Variants in RIMS1 observed in about 807,000 individuals in gnomAD.
The protein encoded by RIMS1 is regulating synaptic membrane exocytosis protein 1.
Under a neutral mutation model 214.1 loss-of-function variants are expected in RIMS1, and 83 were observed. The ratio of observed to expected loss-of-function variants is 0.39; its 90% CI spans 0.32 to 0.47. The LOEUF is 0.47. Among genes scored for constraint, RIMS1 ranks in the 20% least tolerant of loss-of-function variants. The probability of loss-of-function intolerance (pLI) is 0.99; values close to 1 mark genes in which losing one functional copy is unlikely to be tolerated. For missense variants in RIMS1, 2,050 were observed against 2,161.8 expected (o/e 0.95, Z 1.03); for synonymous variants, 793 against 786.8 (o/e 1.01, Z -0.13).
chr6:71,898,237 C>T (rs187928154), intron 1 of RIMS1, among the ~76,000 whole-genome samples: 28 of 152,186 alleles, frequency 1.8e-4, no homozygotes, highest in African/African-American at 6.5e-4. Flanking sequence ...TCACTAACTT[C>T]CATGACAGTT....
intron 29 of RIMS1, among the ~76,000 whole-genome samples, chr6:72,358,334 T>C (rs1483224278): frequency 6.6e-6 from 1 of 152,156 alleles, no homozygotes; most frequent in African/African-American, 2.4e-5. Flanking sequence ...TTTCAATGAG[T>C]ATTTTTCTCT....
At chr6:71,917,153 A>C (rs1778665138) in intron 1 of RIMS1, among the ~76,000 whole-genome samples, 1 of 152,210 alleles carries the variant, frequency 6.6e-6, no homozygotes, top group Non-Finnish European at 1.5e-5. Context: ...TTTTAAGATT[A>C]AATGAGTTAA....
intron 4 of RIMS1, among the ~76,000 whole-genome samples, chr6:72,131,351 T>C (rs1339781694): frequency 6.6e-6 from 1 of 152,172 alleles, no homozygotes; most frequent in East Asian, 1.9e-4. Flanking sequence ...GCCCCGATAG[T>C]CACGTAGGTT....
At chr6:72,225,925 C>T (rs2060044207) in intron 6 of RIMS1, among the ~76,000 whole-genome samples, 1 of 152,070 alleles carries the variant, frequency 6.6e-6, no homozygotes, top group South Asian at 2.1e-4. Context: ...GTTATTAGGC[C>T]TCAGGTCATA....
At chr6:72,384,455 T>C (rs533273453) in intron 29 of RIMS1, among the ~76,000 whole-genome samples, 1 of 152,336 alleles carries the variant, frequency 6.6e-6, no homozygotes, top group Admixed American at 6.5e-5. Context: ...TCTATATTTT[T>C]TTCTTACTAA....
intron 1 of RIMS1, among the ~76,000 whole-genome samples, chr6:71,949,769 T>G (rs1298821010): frequency 6.6e-6 from 1 of 152,194 alleles, no homozygotes; most frequent in Admixed American, 6.5e-5. Flanking sequence ...CTGGCAAAAA[T>G]CTAAAATGTT....
chr6:72,215,715 T>C (rs1217392439), intron 6 of RIMS1, among the ~76,000 whole-genome samples: 3 of 152,184 alleles, frequency 2.0e-5, no homozygotes, highest in Non-Finnish European at 4.4e-5. Context: ...GCTTTAAGCA[T>C]AGGCGGAAGT....
intron 4 of RIMS1, among the ~76,000 whole-genome samples, chr6:72,135,447 G>T (rs2041131155): frequency 1.3e-5 from 2 of 152,062 alleles, no homozygotes; most frequent in Non-Finnish European, 2.9e-5. Context: ...TCCACTTAAA[G>T]AAAAAATGCA....
chr6:72,392,131 C>T (rs959493460), intron 30 of RIMS1, among the ~76,000 whole-genome samples: 11 of 152,126 alleles, frequency 7.2e-5, no homozygotes, highest in Non-Finnish European at 1.6e-4. Flanking sequence ...CAGGCACTGC[C>T]CTTGTGCAGC....
At chr6:72,187,316 A>G (rs1037962209) in intron 6 of RIMS1, among the ~76,000 whole-genome samples, 1 of 152,102 alleles carries the variant, frequency 6.6e-6, no homozygotes, top group Non-Finnish European at 1.5e-5. Context: ...TATAAGTTGC[A>G]TATTATTTAT....
chr6:72,321,430 A>G (rs955927390), intron 28 of RIMS1, among the ~76,000 whole-genome samples: 10 of 152,176 alleles, frequency 6.6e-5, no homozygotes, highest in African/African-American at 1.9e-4. Flanking sequence ...GATTAGAAAT[A>G]CATGAGCAGA....
intron 2 of RIMS1, among the ~76,000 whole-genome samples, chr6:72,088,393 C>A (rs1249167598): frequency 6.6e-6 from 1 of 151,804 alleles, no homozygotes; most frequent in Non-Finnish European, 1.5e-5. Flanking sequence ...GGATTACAGG[C>A]GCCTGCCACC....
intron 1 of RIMS1, among the ~76,000 whole-genome samples, chr6:71,909,932 G>A (rs996196968): frequency 6.6e-6 from 1 of 152,088 alleles, no homozygotes; most frequent in African/African-American, 2.4e-5. Context: ...ACACAAAAAA[G>A]CAGCCCGGAT....
At chr6:72,236,244 A>G (rs2063966925) in intron 8 of RIMS1, among the ~76,000 whole-genome samples, 1 of 152,158 alleles carries the variant, frequency 6.6e-6, no homozygotes, top group Non-Finnish European at 1.5e-5. Context: ...GAACTTAAAC[A>G]TAGATTTTAA....
At chr6:72,053,637 G>T (rs1825330049) in intron 2 of RIMS1, among the ~76,000 whole-genome samples, 3 of 152,078 alleles carry the variant, frequency 2.0e-5, no homozygotes, top group South Asian at 2.1e-4. Flanking sequence ...TCATTCCTTT[G>T]TGAAGAATGG....
chr6:72,109,671 A>C (rs1363966788), intron 4 of RIMS1, among the ~76,000 whole-genome samples: 2 of 152,134 alleles, frequency 1.3e-5, no homozygotes, highest in Admixed American at 1.3e-4. Context: ...CTCTGATGGT[A>C]GTTCCTGTTG....
chr6:72,018,662 G>A (rs1444465262), intron 2 of RIMS1, among the ~76,000 whole-genome samples: 1 of 152,120 alleles, frequency 6.6e-6, no homozygotes, highest in Non-Finnish European at 1.5e-5. Context: ...TGTGAGCCGT[G>A]GGACATTTCT....
chr6:72,139,701 AAT>A (rs2041849278), intron 4 of RIMS1, among the ~76,000 whole-genome samples: 1 of 152,116 alleles, frequency 6.6e-6, no homozygotes, highest in Non-Finnish European at 1.5e-5. Flanking sequence ...TTCAGTTCTT[AAT>A]ATATATAGTT....
At chr6:71,932,062 A>C (rs569427017) in intron 1 of RIMS1, among the ~76,000 whole-genome samples, 2 of 152,268 alleles carry the variant, frequency 1.3e-5, no homozygotes, top group East Asian at 3.9e-4. Flanking sequence ...TGTGGAAGAC[A>C]GAGTGGCAAT....
Sources: gnomAD v4.1 joint callset for allele counts (sites outside exome capture counted in the v4.1 genomes callset) on GRCh38, gnomAD v4.1.1 for gene constraint, MANE v1.5 for transcripts, NCBI Gene and HGNC (gene_info 2026-07-23, HGNC 2026-07-21) for gene names.